The following CELF2 variants were observed in gnomAD, a reference collection of about 807,000 sequenced individuals.
CELF2 encodes CUGBP Elav-like family member 2.
In CELF2, 8 loss-of-function variants were observed where a neutral mutation model predicts 62.6. That is an observed-to-expected ratio of 0.13 (90% confidence interval 0.07 to 0.23). The LOEUF (loss-of-function observed/expected upper bound fraction) is 0.23. Among genes scored for constraint, CELF2 ranks in the 10% least tolerant of loss-of-function variants. CELF2 has a pLI of 1.00. For missense variants in CELF2, 333 were observed against 671.0 expected (o/e 0.50, Z 5.56); for synonymous variants, 258 against 250.0 (o/e 1.03, Z -0.30).
chr10:10,773,182 A>G, the CELF2 span, among the ~76,000 whole-genome samples: 387 of 152,352 alleles, frequency 2.5e-3, 1 homozygote, highest in Non-Finnish European at 3.7e-3. Context: ...ACGGGAGGGA[A>G]AAATAACCCC....
the CELF2 span, among the ~76,000 whole-genome samples, chr10:10,788,337 T>A: frequency 1.3e-5 from 2 of 151,344 alleles, no homozygotes; most frequent in African/African-American, 2.4e-5. Flanking sequence ...GGTTTTCTGA[T>A]TATAGAAAGA....
chr10:10,886,571 T>C (rs2061762830), intron 1 of CELF2, among the ~76,000 whole-genome samples: 1 of 152,196 alleles, frequency 6.6e-6, no homozygotes, highest in African/African-American at 2.4e-5. Context: ...GGCATGGGAC[T>C]CATGCCTGTA....
chr10:11,262,940 CTTT>C (rs553831640), intron 5 of CELF2, among the ~76,000 whole-genome samples: 17 of 52,766 alleles, frequency 3.2e-4, no homozygotes, highest in South Asian at 2.3e-3. Flanking sequence ...AGTGGCTTTA[CTTT>C]TTTTTTTTTT....
intron 1 of CELF2, among the ~76,000 whole-genome samples, chr10:11,045,963 T>G (rs2062755753): frequency 6.6e-6 from 1 of 152,224 alleles, no homozygotes; most frequent in Admixed American, 6.5e-5. Flanking sequence ...CTCTGCTCTT[T>G]TCACTGAAGC....
chr10:10,518,776 G>C, the CELF2 span, among the ~76,000 whole-genome samples: 1 of 152,046 alleles, frequency 6.6e-6, no homozygotes, highest in African/African-American at 2.4e-5. Context: ...CCACTTGTAA[G>C]GATGTCCTAT....
intron 1 of CELF2, among the ~76,000 whole-genome samples, chr10:11,020,106 CG>C (rs2058065615): frequency 1.3e-5 from 2 of 152,140 alleles, no homozygotes; most frequent in African/African-American, 2.4e-5. Flanking sequence ...CCTGTTCAAG[CG>C]ATTTGCTCTG....
chr10:11,079,997 A>G (rs919933286), intron 1 of CELF2, among the ~76,000 whole-genome samples: 1 of 152,232 alleles, frequency 6.6e-6, no homozygotes, highest in East Asian at 1.9e-4. Context: ...CATCCAGATT[A>G]TAAACTGTTG....
the CELF2 span, among the ~76,000 whole-genome samples, chr10:10,751,411 C>T: frequency 1.3e-5 from 2 of 152,166 alleles, no homozygotes; most frequent in African/African-American, 4.8e-5. Flanking sequence ...CCAAGTCTGA[C>T]AAAGAAGCAA....
chr10:11,181,325 G>A (rs1046141877), intron 2 of CELF2, among the ~76,000 whole-genome samples: 1 of 152,122 alleles, frequency 6.6e-6, no homozygotes. Context: ...CTCTCATTTC[G>A]GAATGAATAC....
intron 1 of CELF2, among the ~76,000 whole-genome samples, chr10:11,096,030 A>G (rs1319743619): frequency 6.6e-6 from 1 of 152,108 alleles, no homozygotes; most frequent in Non-Finnish European, 1.5e-5. Flanking sequence ...AGCTCCTTCT[A>G]CCTCCTCCTG....
At chr10:11,077,699 A>G (rs1035999335) in intron 1 of CELF2, among the ~76,000 whole-genome samples, 1 of 152,206 alleles carries the variant, frequency 6.6e-6, no homozygotes, top group Admixed American at 6.5e-5. Flanking sequence ...TTGCCCTGTA[A>G]GTGAGATACA....
intron 1 of CELF2, among the ~76,000 whole-genome samples, chr10:11,056,953 A>G (rs543563374): frequency 6.6e-6 from 1 of 152,298 alleles, no homozygotes; most frequent in East Asian, 1.9e-4. Context: ...TTCTAACCAC[A>G]TGCTTCTGGG....
intron 2 of CELF2, among the ~76,000 whole-genome samples, chr10:10,963,008 T>A (rs951709349): frequency 1.1e-4 from 9 of 85,656 alleles, no homozygotes; most frequent in Non-Finnish European, 1.6e-4. Context: ...TGTTTTGTTT[T>A]GTTTTGTTTT....
At chr10:10,893,838 AAAC>A (rs1335005497) in intron 1 of CELF2, among the ~76,000 whole-genome samples, 40 of 152,286 alleles carry the variant, frequency 2.6e-4, no homozygotes, top group African/African-American at 9.1e-4. Context: ...GGATGGCGCT[AAAC>A]TGTTCATGAG....
In CELF2 at chr10:11,297,741, C is replaced by T. The variant is rs1490588278; in HGVS notation, c.976+9189C>T. 6.6e-6 allele frequency among the ~76,000 whole-genome samples: 1 copy of T among 152,196 alleles called. No individual in the cohort carries two copies. Among genetic ancestry groups the T allele is most frequent in the Non-Finnish European group, 1.5e-5 (1 of 68,034 alleles). On this transcript the variant is annotated intron_variant, in intron 9 of 12. Transcript: ENST00000633077. This position sits in a 1 kb window ranked among gnomAD's most constrained non-coding sequence, Gnocchi z 4.4. ...ATCCCAGCACTTTGGGAGGCTGAGG[C>T]AGGAGTTCCTTGAGGAACTCCCTGA...
At chr10:10,637,753 T>C in the CELF2 span, among the ~76,000 whole-genome samples, 4 of 152,200 alleles carry the variant, frequency 2.6e-5, no homozygotes, top group African/African-American at 9.6e-5. Context: ...GTAGGATCTG[T>C]GCTCTGCTCA....
chr10:11,144,767 C>G (rs1380927064), intron 1 of CELF2, among the ~76,000 whole-genome samples: 1 of 151,732 alleles, frequency 6.6e-6, no homozygotes, highest in Non-Finnish European at 1.5e-5. Context: ...TGGTGCACGC[C>G]TGTCGTACCA....
intron 2 of CELF2, among the ~76,000 whole-genome samples, chr10:11,181,469 C>T (rs926016254): frequency 6.6e-6 from 1 of 152,216 alleles, no homozygotes; most frequent in Non-Finnish European, 1.5e-5. Context: ...ATTTCGTGCT[C>T]CCATGCCTGA....
At chr10:11,052,752 C>A (rs2064209148) in intron 1 of CELF2, among the ~76,000 whole-genome samples, 1 of 152,182 alleles carries the variant, frequency 6.6e-6, no homozygotes, top group Admixed American at 6.5e-5. Context: ...AGCAGTAACT[C>A]TGCAAGTAGA....
Sources: gnomAD v4.1 joint callset for allele counts (sites outside exome capture counted in the v4.1 genomes callset) on GRCh38, gnomAD v4.1.1 for gene constraint, Gnocchi (gnomAD v3.1) non-coding constraint, MANE v1.5 for transcripts, NCBI Gene and HGNC (gene_info 2026-07-23, HGNC 2026-07-21) for gene names.